The following SLIT2 variants were observed in gnomAD, a reference collection of about 807,000 sequenced individuals.
The protein encoded by SLIT2 is slit guidance ligand 2, also known as slit homolog 2 protein.
Under a neutral mutation model 185.7 loss-of-function variants are expected in SLIT2, and 41 were observed. That is an observed-to-expected ratio of 0.22 (90% CI 0.17 to 0.29). SLIT2 has a LOEUF of 0.29. Among genes scored for constraint, SLIT2 ranks in the 10% least tolerant of loss-of-function variants. The pLI, the probability that SLIT2 is intolerant of heterozygous loss-of-function variation, is 1.00. For synonymous variants in SLIT2, 693 were observed against 680.2 expected, an observed-to-expected ratio of 1.02 and a Z score of -0.29; for missense variants, 1,571 against 1,909.0, an observed-to-expected ratio of 0.82 and a Z score of 3.30.
chr4:20,320,780 T>C (rs1453138815), intron 4 of SLIT2, among the ~76,000 whole-genome samples: 1 of 152,190 alleles, frequency 6.6e-6, no homozygotes, highest in African/African-American at 2.4e-5. Context: ...CCACTCCAAC[T>C]TCTATCTCAA....
chr4:20,468,852 T>TG (rs1394856303), intron 5 of SLIT2, among the ~76,000 whole-genome samples: 2 of 143,108 alleles, frequency 1.4e-5, no homozygotes, highest in African/African-American at 5.6e-5. Context: ...TCCAATGCCT[T>TG]TTTTTTTTTT....
intron 29 of SLIT2, among the ~76,000 whole-genome samples, chr4:20,574,111 T>C (rs1458602907): frequency 6.6e-6 from 1 of 151,808 alleles, no homozygotes; most frequent in Non-Finnish European, 1.5e-5. Context: ...TCCGCCGCCA[T>C]GCTTGGCTAA....
intron 4 of SLIT2, among the ~76,000 whole-genome samples, chr4:20,308,731 A>T (rs1349543504): frequency 1.3e-5 from 2 of 152,198 alleles, no homozygotes; most frequent in Non-Finnish European, 2.9e-5. Context: ...GTATACTTAT[A>T]AAAATGTTGG....
Position 20,533,588 on chromosome 4 carries a change from A to G in SLIT2, c.1705A>G (p.Lys569Glu), listed in dbSNP as rs1297172524. Reference sequence around the variant, plus strand: ...TTTATTTAGAAACTTTAGCAACAATAAGATCACAGATATTGAGGAGGGAGC... The same window carrying G: ...TTTATTTAGAAACTTTAGCAACAATGAGATCACAGATATTGAGGAGGGAGC... ...QLRKINFSNNKITDIEEGAFE... is the reference protein window; with the variant it reads ...QLRKINFSNNEITDIEEGAFE... Residue 569 changes from lysine to glutamate, a missense_variant, in exon 18 of 37, where the codon AAG becomes GAG. Physicochemically the swap from Lys to Glu is moderately conservative, Grantham distance 56 (BLOSUM62 1). Coordinates refer to ENST00000504154, the MANE Select transcript of SLIT2 (RefSeq NM_004787.4). 1 of 1,608,906 alleles carries G rather than the reference A, an allele frequency of 6.2e-7. No homozygotes were observed. Among genetic ancestry groups the G allele is most frequent in the Admixed American group, 1.7e-5 (1 of 59,588 alleles).
At chr4:20,338,962 G>A (rs939126959) in intron 4 of SLIT2, among the ~76,000 whole-genome samples, 12 of 151,528 alleles carry the variant, frequency 7.9e-5, no homozygotes, top group East Asian at 2.0e-4. Flanking sequence ...GCATGGTGGC[G>A]TGTGCCTGTA....
chr4:20,582,652 AG>A (rs1726685669), intron 29 of SLIT2, among the ~76,000 whole-genome samples: 1 of 152,182 alleles, frequency 6.6e-6, no homozygotes, highest in Admixed American at 6.5e-5. Flanking sequence ...ACAACTTTGC[AG>A]AGATAGGAGA....
chr4:20,591,894 A>C (rs945389104), intron 30 of SLIT2, among the ~76,000 whole-genome samples: 2 of 152,082 alleles, frequency 1.3e-5, no homozygotes, highest in Non-Finnish European at 2.9e-5. Context: ...TCCTTAATTA[A>C]ATATCTCCTC....
At chr4:20,374,808 C>A (rs1187811480) in intron 4 of SLIT2, among the ~76,000 whole-genome samples, 1 of 152,050 alleles carries the variant, frequency 6.6e-6, no homozygotes, top group Admixed American at 6.6e-5. Context: ...GAAATTAATG[C>A]ATGGTTTCTT....
intron 18 of SLIT2, among the ~76,000 whole-genome samples, chr4:20,538,181 T>G (rs548231838): frequency 2.0e-5 from 3 of 152,238 alleles, no homozygotes; most frequent in African/African-American, 7.2e-5. Context: ...AGGATGGTCT[T>G]GATCTCCTGA....
chr4:20,334,896 C>T (rs993693441), intron 4 of SLIT2, among the ~76,000 whole-genome samples: 1 of 152,124 alleles, frequency 6.6e-6, no homozygotes, highest in Non-Finnish European at 1.5e-5. Flanking sequence ...GACATAGAAT[C>T]CAGCACACTG....
At chr4:20,491,735 A>G (rs763471765) in intron 8 of SLIT2, 26 bp from the exon 9 acceptor site, 1 of 1,600,106 alleles carries the variant, frequency 6.2e-7, no homozygotes, top group Non-Finnish European at 8.5e-7. Context: ...GAGGAAAAAT[A>G]TAATTCCTGT....
At chr4:20,545,295 G>A (rs972478885) in intron 21 of SLIT2, among the ~76,000 whole-genome samples, 4 of 151,952 alleles carry the variant, frequency 2.6e-5, no homozygotes, top group Admixed American at 2.0e-4. Context: ...CTTGGAAGGA[G>A]ATGAAATTTA....
At chr4:20,493,460 A>G (rs559386759) in intron 9 of SLIT2, among the ~76,000 whole-genome samples, 1 of 152,334 alleles carries the variant, frequency 6.6e-6, no homozygotes, top group African/African-American at 2.4e-5. Context: ...GAGATCATCC[A>G]TCAAGTGGTT....
chr4:20,561,654 G>T (rs1313509952), intron 26 of SLIT2, among the ~76,000 whole-genome samples: 2 of 151,460 alleles, frequency 1.3e-5, no homozygotes, highest in Non-Finnish European at 3.0e-5. Flanking sequence ...TTAGAACTTG[G>T]TCAAATCTTT....
chr4:20,448,965 A>G (rs1034580738), intron 4 of SLIT2, among the ~76,000 whole-genome samples: 10 of 152,162 alleles, frequency 6.6e-5, no homozygotes, highest in Non-Finnish European at 1.5e-4. Context: ...AGTTACTTCT[A>G]CTTCAAGAGT....
At chr4:20,488,364 G>C (rs2148792241) in intron 7 of SLIT2, among the ~76,000 whole-genome samples, 1 of 152,262 alleles carries the variant, frequency 6.6e-6, no homozygotes, top group South Asian at 2.1e-4. Flanking sequence ...CAAGTGTCCT[G>C]CTGCAAAGGT....
In SLIT2 at chr4:20,550,592, T is replaced by C. The variant is rs564938031; in HGVS notation, c.2490-235T>C. Among the ~76,000 whole-genome samples the C allele has an allele frequency of 3.9e-5, 6 of 152,228 alleles. No homozygotes were observed. The South Asian group carries it at 1.2e-3, about 32-fold the overall frequency. ...GAAGATCTTCTTTATTTTCTTTTAA[T>C]ACATTTTTATTTTTACATTTAATTC... On this transcript the variant is annotated intron_variant, in intron 24 of 36. Transcript: ENST00000504154.
rs115629108 is a variant in SLIT2, at chr4:20,617,111, G to A, written c.4049G>A (p.Ser1350Asn). 5.8e-3 allele frequency: 9,319 copies of A among 1,611,718 alleles called. 45 individuals carry two copies. Among genetic ancestry groups the A allele is most frequent in the Non-Finnish European group, 7.1e-3 (8,381 of 1,177,936 alleles). The change falls in exon 35 of 37, where the codon AGC (serine) becomes AAC (asparagine). Residue 1350 changes from serine to asparagine, a missense_variant. Physicochemically the swap from Ser to Asn is conservative, Grantham distance 46 (BLOSUM62 1). Around this residue, in one of 3 missense-constraint regions of SLIT2, gnomAD observed 223 missense variants for 245.2 expected, o/e 0.91. Transcript: ENST00000504154. ...VCAHGTCQPS[S>N]QAGFTCECQE... Reference sequence around the variant, plus strand: ...GCCCATGGCACATGCCAGCCCAGCAGCCAGGCAGGCTTCACCTGCGAGTGC... The same window carrying A: ...GCCCATGGCACATGCCAGCCCAGCAACCAGGCAGGCTTCACCTGCGAGTGC...
At chr4:20,311,000 T>G (rs1423403415) in intron 4 of SLIT2, among the ~76,000 whole-genome samples, 1 of 152,218 alleles carries the variant, frequency 6.6e-6, no homozygotes, top group African/African-American at 2.4e-5. Context: ...TCCTCCTGCC[T>G]CAGCCTTCCT....
Sources: gnomAD v4.1 joint callset for allele counts (sites outside exome capture counted in the v4.1 genomes callset) on GRCh38, gnomAD v4.1.1 for gene constraint, gnomAD v4.1.1 regional missense constraint, MANE v1.5 for transcripts, NCBI Gene and HGNC (gene_info 2026-07-23, HGNC 2026-07-21) for gene names.